RBM33: variants seen among roughly 807,000 people sequenced by gnomAD.
The protein encoded by RBM33 is RNA binding motif protein 33.
Under a neutral mutation model 132.6 loss-of-function variants are expected in RBM33, and 28 were observed. The observed-to-expected ratio is 0.21, with a 90% CI of 0.16 to 0.29. The LOEUF (loss-of-function observed/expected upper bound fraction) is 0.29. Among genes scored for constraint, RBM33 ranks in the 10% least tolerant of loss-of-function variants. The pLI, the probability that RBM33 is intolerant of heterozygous loss-of-function variation, is 1.00. For synonymous variants in RBM33, 634 were observed against 593.0 expected (o/e 1.07, Z -1.01); for missense variants, 1,291 against 1,518.5 (o/e 0.85, Z 2.49).
At chr7:155,647,294 C>A (rs571393117) in intron 1 of RBM33, among the ~76,000 whole-genome samples, 1 of 152,114 alleles carries the variant, frequency 6.6e-6, no homozygotes, top group Non-Finnish European at 1.5e-5. Context: ...ACAAAATGTT[C>A]GAGATTGTCA....
intron 8 of RBM33, among the ~76,000 whole-genome samples, chr7:155,714,859 T>A (rs180903670): frequency 3.8e-4 from 58 of 152,086 alleles, no homozygotes; most frequent in African/African-American, 1.2e-3. Flanking sequence ...GGGTGAGAAG[T>A]ATTATGAAGT....
At chr7:155,709,717 A>G (rs1441471438) in intron 7 of RBM33, among the ~76,000 whole-genome samples, 7 of 152,184 alleles carry the variant, frequency 4.6e-5, no homozygotes, top group Admixed American at 4.6e-4. Flanking sequence ...GTGGGATACA[A>G]TGGTGAGTAA....
In RBM33 at chr7:155,738,278, G is replaced by A. The variant is rs373931090; in HGVS notation, c.1612G>A (p.Val538Met). 6.2e-7 allele frequency: 1 copy of A among 1,613,844 alleles called. No homozygotes were observed. The highest frequency in any genetic ancestry group is 8.5e-7 in the Non-Finnish European group (1 of 1,179,894). ...VRPALQPPGP[V>M]GILHFSQPGS... ...ACCAGCCTTGCAGCCTCCAGGTCCG[G>A]TGGGGATTCTGCACTTTAGCCAGCC... Residue 538 changes from valine to methionine, a missense_variant, in exon 11 of 18, where the codon GTG becomes ATG. By Grantham distance (21) the Val-to-Met change is conservative. Around this residue, in one of 7 missense-constraint regions of RBM33, gnomAD observed 841 missense variants for 912.0 expected, o/e 0.92. Coordinates refer to ENST00000401878, the MANE Select transcript of RBM33 (RefSeq NM_053043.3).
At position 155,741,943 on chromosome 7, in the gene RBM33, G is replaced by A. The variant is rs1441488319; in HGVS notation, c.2174G>A (p.Arg725His). 23 of 1,613,868 alleles carry A rather than the reference G, an allele frequency of 1.4e-5. No individual in the cohort carries two copies. Among genetic ancestry groups the A allele is most frequent in the South Asian group, 1.1e-4 (10 of 91,082 alleles). Residue 725 changes from arginine to histidine, a missense_variant, in exon 13 of 18, where the codon CGC becomes CAC. Arg to His is a conservative substitution (Grantham distance 29). This residue lies in a region of RBM33 where 841 missense variants were observed against 912.0 expected (regional missense o/e 0.92). Coordinates refer to ENST00000401878, the MANE Select transcript of RBM33 (RefSeq NM_053043.3). Reference sequence around the variant, plus strand: ...CACGTGATAGAAATGAGCAGCAGCCGCTGCTCTGCCACGCCCTCAGCACAA... The same window carrying A: ...CACGTGATAGAAATGAGCAGCAGCCACTGCTCTGCCACGCCCTCAGCACAA... ...PSHVIEMSSS[R>H]CSATPSAQVK... is the part of the protein sequence containing the mutation.
In RBM33 at chr7:155,692,069, AT is replaced by A. The variant is rs905735973; in HGVS notation, c.568-8694del. ...CTCTGTCCAAAAAAAAAAAAAGAAA[AT>A]TTTTTTTTTCTTTGATTTTCAGTGT... On this transcript the variant is annotated intron_variant, in intron 5 of 17. Transcript: ENST00000401878. Among the ~76,000 whole-genome samples, 55 of 150,144 alleles carry A rather than the reference AT, an allele frequency of 3.7e-4. No individual in the cohort carries two copies. In the South Asian group the frequency reaches 6.4e-3, roughly 17 times the overall value.
chr7:155,744,010 A>G (rs1021747979), intron 13 of RBM33, among the ~76,000 whole-genome samples: 6 of 152,280 alleles, frequency 3.9e-5, no homozygotes, highest in Non-Finnish European at 5.9e-5. Context: ...GGTGGTCGGA[A>G]TTGCTTCCAG....
chr7:155,658,521 C>T (rs1310136880), intron 1 of RBM33, among the ~76,000 whole-genome samples: 1 of 151,708 alleles, frequency 6.6e-6, no homozygotes, highest in African/African-American at 2.4e-5. Context: ...CTGCCTCAGT[C>T]TCCTGAGTAG....
At chr7:155,707,912 A>G (rs1216089597) in intron 7 of RBM33, among the ~76,000 whole-genome samples, 1 of 152,214 alleles carries the variant, frequency 6.6e-6, no homozygotes, top group African/African-American at 2.4e-5. Flanking sequence ...CATCTGCCTC[A>G]GCCTCCCAGA....
chr7:155,700,683 A>C, intron 5 of RBM33, 90 bp from the exon 6 acceptor site: 1 of 999,684 alleles, frequency 1.0e-6, no homozygotes, highest in South Asian at 1.8e-5. Flanking sequence ...CTGAAATATA[A>C]ACAATTAAAT....
intron 14 of RBM33, among the ~76,000 whole-genome samples, chr7:155,749,856 T>C (rs1347137130): frequency 6.6e-6 from 1 of 152,256 alleles, no homozygotes; most frequent in Non-Finnish European, 1.5e-5. Context: ...TGCTATGTGC[T>C]GTGTGAGTCT....
chr7:155,666,682 T>TC (rs1172555176), intron 2 of RBM33, among the ~76,000 whole-genome samples: 2 of 152,248 alleles, frequency 1.3e-5, no homozygotes, highest in African/African-American at 4.8e-5. Flanking sequence ...TTGGAGTTCC[T>TC]CTTTGAATGG....
At chr7:155,754,655 C>CT (rs1220986886) in intron 14 of RBM33, among the ~76,000 whole-genome samples, 3 of 152,220 alleles carry the variant, frequency 2.0e-5, no homozygotes, top group Non-Finnish European at 2.9e-5. Flanking sequence ...GTCAGCTAAT[C>CT]TTGCTTTTTA....
At chr7:155,649,962 G>A (rs948052589) in intron 1 of RBM33, among the ~76,000 whole-genome samples, 5 of 152,152 alleles carry the variant, frequency 3.3e-5, no homozygotes, top group African/African-American at 7.2e-5. Context: ...TTCTGAGCAT[G>A]TGCCCAGCCT....
chr7:155,680,744 T>C lies in RBM33; in HGVS notation c.403T>C (p.Ser135Pro). Residue 135 changes from serine to proline, a missense_variant, in exon 5 of 18, where the codon TCA (serine) becomes CCA (proline). Coordinates refer to ENST00000401878, the MANE Select transcript of RBM33 (RefSeq NM_053043.3). ...ACTGGTTTATCACAAATCTGATGGA[T>C]CAGAATTGTATACTCAAGAGTACCC... ...DELVYHKSDG[S>P]ELYTQEYPEE... The C allele has an allele frequency of 6.2e-7, 1 of 1,613,518 alleles. No individual in the cohort carries two copies. Among genetic ancestry groups the C allele is most frequent in the Non-Finnish European group, 8.5e-7 (1 of 1,179,712 alleles).
At chr7:155,732,804 A>G (rs1397930027) in intron 9 of RBM33, among the ~76,000 whole-genome samples, 2 of 152,208 alleles carry the variant, frequency 1.3e-5, no homozygotes, top group Non-Finnish European at 2.9e-5. Context: ...GAAGGTGCTC[A>G]GAGGTGTGAA....
intron 9 of RBM33, among the ~76,000 whole-genome samples, chr7:155,729,422 A>G (rs933183430): frequency 2.0e-5 from 3 of 152,154 alleles, no homozygotes; most frequent in African/African-American, 7.2e-5. Context: ...ATGATATTAT[A>G]TAGTTAGAAT....
chr7:155,742,752 A>AGTGTGAACAATCAAT (rs1230375731), intron 13 of RBM33, among the ~76,000 whole-genome samples: 1 of 152,222 alleles, frequency 6.6e-6, no homozygotes, highest in Non-Finnish European at 1.5e-5. Context: ...GAATGTAGTG[A>AGTGTGAACAATCAAT]GTGTGAACAA....
At chr7:155,736,198 A>C (rs1288083901) in intron 9 of RBM33, among the ~76,000 whole-genome samples, 1 of 152,240 alleles carries the variant, frequency 6.6e-6, no homozygotes. Flanking sequence ...AGGGAAATGC[A>C]CTGCGGAAGA....
At chr7:155,703,131 C>G (rs1044825862) in intron 6 of RBM33, among the ~76,000 whole-genome samples, 3 of 152,348 alleles carry the variant, frequency 2.0e-5, no homozygotes, top group African/African-American at 7.2e-5. Context: ...GCAGTGATGG[C>G]CAGCTTGCAT....
Sources: allele counts gnomAD v4.1 joint callset (sites outside exome capture counted in the v4.1 genomes callset), GRCh38; gene constraint gnomAD v4.1.1; regional missense constraint gnomAD v4.1.1; transcripts MANE v1.5; gene names NCBI Gene and HGNC (gene_info 2026-07-23, HGNC 2026-07-21).